The following ERMAP variants were observed in gnomAD, a reference collection of about 807,000 sequenced individuals.
ERMAP encodes erythroblast membrane associated protein (Scianna blood group).
ERMAP carries 34 observed loss-of-function variants against 49.5 expected under a neutral mutation model. That is an observed-to-expected ratio of 0.69 (90% CI 0.52 to 0.91). ERMAP has a LOEUF of 0.91. ERMAP is among the 40% of genes least tolerant of loss of function. ERMAP has a pLI of 0.00. For missense variants in ERMAP, 541 were observed against 582.6 expected (o/e 0.93, Z 0.74); for synonymous variants, 214 against 232.2 (o/e 0.92, Z 0.71).
At chr1:42,830,595 G>C in intron 3 of ERMAP, 62 bp downstream of exon 3, 3 of 1,568,992 alleles carry the variant, frequency 1.9e-6, no homozygotes, top group Non-Finnish European at 2.6e-6. Context: ...CCCAGAATAA[G>C]GAAGCTTGGC....
chr1:42,844,354 T>C lies in ERMAP; in HGVS notation c.*1122T>C, dbSNP rs36098574. ...AACCATGGAGATATTGGTTATCAGT[T>C]TGCAGATGAATACACAGTTCTATCC... On this transcript the variant is annotated 3_prime_UTR_variant, in exon 12 of 12. Coordinates refer to ENST00000372517, the MANE Select transcript of ERMAP (RefSeq NM_001017922.2). The surrounding 1 kb of genome is among the most constrained non-coding windows in gnomAD (Gnocchi z 4.0). 1,901 of 380,438 alleles carry C rather than the reference T, an allele frequency of 5.0e-3. 25 individuals are homozygous for C. Among genetic ancestry groups the C allele is most frequent in the African/African-American group, 0.036 (1,731 of 48,362 alleles). 23.6% of individuals were successfully genotyped at this position (380,438 alleles called of 1,614,324 possible).
At chr1:42,833,381 T>A (rs60195322) in intron 4 of ERMAP, among the ~76,000 whole-genome samples, 1 of 152,360 alleles carries the variant, frequency 6.6e-6, no homozygotes, top group East Asian at 1.9e-4. Context: ...TTTTTGTATA[T>A]ATGTATCTCT....
rs191545157 is a variant in ERMAP at position 42,832,340 on chromosome 1, C to T, written c.433+1225C>T. ...TGAGTTAGCTGGGATTACTGGTGCC[C>T]GCCACCATGGCCAACTAATTTTTTT... On this transcript the variant is annotated intron_variant, in intron 4 of 11. Coordinates refer to ENST00000372517, the MANE Select transcript of ERMAP (RefSeq NM_001017922.2). Among the ~76,000 whole-genome samples, 731 of 150,386 alleles carry T rather than the reference C, an allele frequency of 4.9e-3. 2 individuals are homozygous for T. Among genetic ancestry groups the T allele is most frequent in the Non-Finnish European group, 7.9e-3 (537 of 67,606 alleles).
intron 2 of ERMAP, among the ~76,000 whole-genome samples, chr1:42,826,675 G>A (rs1214445612): frequency 2.0e-5 from 3 of 152,028 alleles, no homozygotes; most frequent in African/African-American, 4.8e-5. Context: ...GGCCAACATG[G>A]TGAAACTCCG....
intron 1 of ERMAP, among the ~76,000 whole-genome samples, chr1:42,818,406 AG>A (rs1654306641): frequency 6.6e-6 from 1 of 152,256 alleles, no homozygotes; most frequent in Non-Finnish European, 1.5e-5. Context: ...AATTGTTTAA[AG>A]GGTATAGAAT....
intron 2 of ERMAP, chr1:42,830,176 C>G (rs1557607764): frequency 6.2e-6 from 3 of 482,024 alleles, no homozygotes; most frequent in Non-Finnish European, 1.1e-5. Flanking sequence ...ACGCCAGCCT[C>G]TGTGTGAGCA....
intron 4 of ERMAP, among the ~76,000 whole-genome samples, chr1:42,833,226 T>A (rs1654798922): frequency 1.3e-5 from 2 of 152,224 alleles, no homozygotes; most frequent in Non-Finnish European, 2.9e-5. Context: ...AATTTTCAAT[T>A]TTTTTAAATT....
chr1:42,819,204 TGTGCGC>T lies in ERMAP; in HGVS notation c.-122+1953_-122+1958del, dbSNP rs775737492. Among the ~76,000 whole-genome samples, 2 of 121,224 alleles carry T rather than the reference TGTGCGC, an allele frequency of 1.6e-5. No individual in the cohort carries two copies. The highest frequency in any genetic ancestry group is 5.1e-4 in the South Asian group (2 of 3,940). 79.5% of individuals were successfully genotyped at this position (121,224 alleles called of 152,430 possible). A position where few individuals can be genotyped will look rare whatever the true frequency, so the allele number is the denominator to read the frequency against. On this transcript the variant is annotated intron_variant, in intron 1 of 11. Coordinates refer to ENST00000372517, the MANE Select transcript of ERMAP (RefSeq NM_001017922.2). The surrounding 1 kb of genome is among the most constrained non-coding windows in gnomAD (Gnocchi z 5.1). ...GTGTGTGTGTGTGTGTGTGTGTGTG[TGTGCGC>T]GCGCGCAAGAGAGGGACCGAGAGAG...
intron 8 of ERMAP, chr1:42,839,605 C>A: frequency 5.1e-6 from 1 of 196,850 alleles, no homozygotes; most frequent in Non-Finnish European, 1.0e-5. Flanking sequence ...AGCGAAACTC[C>A]ATCTCAAAAT....
At position 42,837,179 on chromosome 1, in the gene ERMAP, C is replaced by G. The variant is rs1654926535; in HGVS notation, c.605C>G (p.Ala202Gly). The G allele has an allele frequency of 1.2e-6, 2 of 1,613,428 alleles. No individual in the cohort carries two copies. The highest frequency in any genetic ancestry group is 2.2e-5 in the South Asian group (2 of 91,024). ...CTAGACAATCTTCTTTCAGACCATG[C>G]TAAAGAAAAAGGTAATGATATAAAA... ...TEVDNLLSDH[A>G]KEKGKLHKAV... The change falls in exon 7 of 12, where the codon GCT (alanine) becomes GGT (glycine). Residue 202 changes from alanine (A) to glycine (G), a missense_variant. By Grantham distance (60) the Ala-to-Gly change is moderately conservative. Coordinates refer to ENST00000372517, the MANE Select transcript of ERMAP (RefSeq NM_001017922.2).
intron 8 of ERMAP, chr1:42,839,818 C>T: frequency 1.7e-6 from 1 of 597,602 alleles, no homozygotes. Flanking sequence ...AGGTTTGGCT[C>T]ACATAGGAAT....
intron 2 of ERMAP, among the ~76,000 whole-genome samples, chr1:42,828,610 C>T (rs1055351351): frequency 1.3e-5 from 2 of 152,020 alleles, no homozygotes; most frequent in African/African-American, 4.8e-5. Context: ...ATCCTCCCAC[C>T]TCAACCTCCT....
intron 6 of ERMAP, chr1:42,836,916 A>AC (rs1654917802): frequency 2.6e-6 from 1 of 386,088 alleles, no homozygotes; most frequent in Admixed American, 4.4e-5. Context: ...AAAAAAAAAA[A>AC]AAACTAAACA....
chr1:42,842,601 G>T lies in ERMAP; in HGVS notation c.797G>T (p.Arg266Leu). The T allele has an allele frequency of 6.2e-7, 1 of 1,614,130 alleles. No homozygotes were observed. The highest frequency in any genetic ancestry group is 8.5e-7 in the Non-Finnish European group (1 of 1,180,034). The change falls in exon 12 of 12, where the codon CGG (arginine) becomes CTG (leucine). Residue 266 changes from arginine to leucine, a missense_variant. By Grantham distance (102) the Arg-to-Leu change is moderately radical (BLOSUM62 -2). Transcript: ENST00000372517. ...AGATGTGTAAGGCTTGGAGACAGAC[G>T]GCAGCCTGTACCTGACAACCCCCAG... ...DQRCVRLGDR[R>L]QPVPDNPQRF...
chr1:42,837,293 G>A (rs1305594835), intron 7 of ERMAP, 103 bp downstream of exon 7: 3 of 1,222,828 alleles, frequency 2.5e-6, no homozygotes, highest in African/African-American at 1.5e-5. Flanking sequence ...TTATAATACT[G>A]TACACACATG....
At chr1:42,820,904 G>A (rs941215056) in intron 1 of ERMAP, among the ~76,000 whole-genome samples, 2 of 152,166 alleles carry the variant, frequency 1.3e-5, no homozygotes, top group African/African-American at 4.8e-5. Context: ...TATTTTGCAT[G>A]TTTTAGCTAA....
chr1:42,830,390 C>G, intron 2 of ERMAP, 54 bp from the exon 3 acceptor site: 3 of 1,522,472 alleles, frequency 2.0e-6, no homozygotes, highest in East Asian at 4.5e-5. Flanking sequence ...GTTATACCCT[C>G]TGTCACGCCA....
chr1:42,821,784 G>A (rs1024376168), intron 1 of ERMAP, among the ~76,000 whole-genome samples: 3 of 152,098 alleles, frequency 2.0e-5, no homozygotes, highest in Admixed American at 6.5e-5. Context: ...GCCAAGGTGC[G>A]AGGATCACTT....
At chr1:42,817,281 G>A (rs957978530) in intron 1 of ERMAP, 28 bp downstream of exon 1, 85 of 1,223,608 alleles carry the variant, frequency 6.9e-5, no homozygotes, top group Non-Finnish European at 8.6e-5. Context: ...CCGACCACTG[G>A]ACCCAGCGCT....
Sources: allele counts gnomAD v4.1 joint callset (sites outside exome capture counted in the v4.1 genomes callset), GRCh38; gene constraint gnomAD v4.1.1; non-coding constraint Gnocchi (gnomAD v3.1); transcripts MANE v1.5; gene names NCBI Gene and HGNC (gene_info 2026-07-23, HGNC 2026-07-21).